The following RYR3 variants were observed in gnomAD, a reference collection of about 807,000 sequenced individuals.
RYR3 encodes the protein brain ryanodine receptor-calcium release channel.
Under a neutral mutation model 584.3 loss-of-function variants are expected in RYR3, and 207 were observed. The ratio of observed to expected loss-of-function variants is 0.35; its 90% CI spans 0.32 to 0.40. The LOEUF (loss-of-function observed/expected upper bound fraction) is 0.40. Among genes scored for constraint, RYR3 ranks in the 10% least tolerant of loss-of-function variants. The pLI, the probability that RYR3 is intolerant of heterozygous loss-of-function variation, is 1.00. For synonymous variants in RYR3, 2,416 were observed against 2,248.5 expected (o/e 1.07, Z -2.11); for missense variants, 5,616 against 6,089.2 (o/e 0.92, Z 2.59).
At chr15:33,492,899 C>T (rs1466589501) in intron 2 of RYR3, among the ~76,000 whole-genome samples, 1 of 152,142 alleles carries the variant, frequency 6.6e-6, no homozygotes, top group Non-Finnish European at 1.5e-5. Context: ...CACAGATTCT[C>T]CCATCCTGCA....
chr15:33,697,478 T>A (rs1417978869), intron 39 of RYR3, among the ~76,000 whole-genome samples: 1 of 152,174 alleles, frequency 6.6e-6, no homozygotes, highest in African/African-American at 2.4e-5. Flanking sequence ...TGTATTTTGA[T>A]TTGCATGCAG....
intron 2 of RYR3, among the ~76,000 whole-genome samples, chr15:33,488,693 A>C (rs531610764): frequency 2.0e-5 from 3 of 152,140 alleles, no homozygotes; most frequent in Non-Finnish European, 4.4e-5. Flanking sequence ...TCTACTAAAA[A>C]TACAAAAAAT....
chr15:33,409,787 ACTTATCT>A (rs1160098312), intron 1 of RYR3, among the ~76,000 whole-genome samples: 2 of 152,182 alleles, frequency 1.3e-5, no homozygotes, highest in African/African-American at 2.4e-5. Context: ...CTGAATTAAA[ACTTATCT>A]CTTAGAGGGG....
chr15:33,798,096 A>ATTTATT lies in RYR3; in HGVS notation c.9831-2671_9831-2670insATTTTT, dbSNP rs766852988. Among the ~76,000 whole-genome samples the ATTTATT allele has an allele frequency of 2.2e-3, 328 of 151,168 alleles. 3 individuals carry two copies. The highest frequency in any genetic ancestry group is 7.2e-3 in the African/African-American group (298 of 41,142). On this transcript the variant is annotated intron_variant, in intron 67 of 103. Coordinates refer to ENST00000634891, the MANE Select transcript of RYR3 (RefSeq NM_001036.6). ...TTGTCTGTCTGTCTTTTATTTATTT[A>ATTTATT]TTTTTTTTGAGATGGAGTCTTGCTC... is the stretch of plus-strand genomic sequence containing the variant.
chr15:33,721,685 C>G (rs771273612), intron 43 of RYR3, among the ~76,000 whole-genome samples: 2 of 151,916 alleles, frequency 1.3e-5, no homozygotes, highest in Non-Finnish European at 2.9e-5. Flanking sequence ...TTAGCTAACA[C>G]AACATGAAAA....
rs529199571 is a variant in RYR3 at position 33,594,989 on chromosome 15, A to G, written c.1789-6430A>G. Among the ~76,000 whole-genome samples, 6 of 152,340 alleles carry G rather than the reference A, an allele frequency of 3.9e-5. No individual in the cohort carries two copies. In the East Asian group the frequency reaches 5.8e-4, roughly 15 times the overall value. ...ACCAAATACCATTTCATATTTGACA[A>G]TGCTTCCTGTATAATTTTTATACCA... On this transcript the variant is annotated intron_variant, in intron 16 of 103. Transcript: ENST00000634891.
chr15:33,722,933 T>G, intron 44 of RYR3, 38 bp downstream of exon 44: 5 of 1,502,662 alleles, frequency 3.3e-6, no homozygotes, highest in Non-Finnish European at 3.6e-6. Context: ...CAGATACGGT[T>G]GGTGAGCTCT....
At chr15:33,836,138 TTTTTC>T (rs773001998) in intron 87 of RYR3, among the ~76,000 whole-genome samples, 106 of 151,526 alleles carry the variant, frequency 7.0e-4, no homozygotes, top group Non-Finnish European at 8.0e-4. Flanking sequence ...TTTTTTTCCT[TTTTTC>T]TTTTCTTTTC....
chr15:33,664,589 G>GTATGTATATA (rs1555399465), intron 36 of RYR3, among the ~76,000 whole-genome samples: 3 of 91,380 alleles, frequency 3.3e-5, no homozygotes, highest in African/African-American at 1.3e-4. Context: ...GTGTGTGTGT[G>GTATGTATATA]TATATATATA....
intron 18 of RYR3, among the ~76,000 whole-genome samples, chr15:33,607,717 AT>A (rs1002304434): frequency 1.3e-5 from 2 of 152,128 alleles, no homozygotes; most frequent in South Asian, 2.1e-4. Context: ...CCATATTGTT[AT>A]TTTTTTCTAA....
At chr15:33,710,110 G>T (rs1281190532) in intron 43 of RYR3, among the ~76,000 whole-genome samples, 1 of 152,170 alleles carries the variant, frequency 6.6e-6, no homozygotes, top group Non-Finnish European at 1.5e-5. Context: ...GACCATTCTT[G>T]CATTGCTATA....
chr15:33,316,193 A>G lies in RYR3; in HGVS notation c.51+5097A>G, dbSNP rs192645946. ...TGATAATTATTTTTGAAGGATTTGT[A>G]TTTAAATAAGGCATAGCTATCTGTG... is the stretch of plus-strand genomic sequence containing the variant. On this transcript the variant is annotated intron_variant, in intron 1 of 103. Transcript: ENST00000634891. Among the ~76,000 whole-genome samples, 18 of 152,308 alleles carry G rather than the reference A, an allele frequency of 1.2e-4. No homozygotes were observed. In the East Asian group the frequency reaches 3.5e-3, roughly 29 times the overall value.
chr15:33,776,667 G>A lies in RYR3; in HGVS notation c.9137+3052G>A, dbSNP rs371078052. ...TCCCCACTGTGCTTTCTGCTTCTCT[G>A]TTACATGTTATTTCCTCTCTTTAGT... On this transcript the variant is annotated intron_variant, in intron 64 of 103. Coordinates refer to ENST00000634891, the MANE Select transcript of RYR3 (RefSeq NM_001036.6). 3.3e-5 allele frequency among the ~76,000 whole-genome samples: 5 copies of A among 152,142 alleles called. No individual in the cohort carries two copies. In the East Asian group the frequency reaches 5.8e-4, roughly 18 times the overall value.
intron 1 of RYR3, among the ~76,000 whole-genome samples, chr15:33,397,952 A>T (rs976721338): frequency 2.6e-5 from 4 of 152,142 alleles, no homozygotes; most frequent in Admixed American, 6.5e-5. Flanking sequence ...CTTTGTCCAC[A>T]AGGGGGTCTG....
rs10647466 is a variant in RYR3, at chr15:33,450,087, T to TAAA, written c.52-23310_52-23308dup. On this transcript the variant is annotated intron_variant, in intron 1 of 103. Transcript: ENST00000634891. ...TTACTGCGGCTAGAGCATTAATACC[T>TAAA]AAAAAAAAAAAAAAAAAAAAAAAAG... 3.3e-3 allele frequency among the ~76,000 whole-genome samples: 224 copies of TAAA among 67,310 alleles called. 20 individuals carry two copies. Among genetic ancestry groups the TAAA allele is most frequent in the Non-Finnish European group, 4.5e-3 (167 of 37,100 alleles). The allele number at this position is 67,310 out of a possible 152,430, so 44.2% of individuals were successfully genotyped here.
At chr15:33,752,373 T>G (rs540965284) in intron 57 of RYR3, among the ~76,000 whole-genome samples, 4 of 152,316 alleles carry the variant, frequency 2.6e-5, no homozygotes, top group African/African-American at 9.6e-5. Flanking sequence ...CATAGAATGT[T>G]TTTCCATTTG....
intron 2 of RYR3, 58 bp from the exon 3 acceptor site, chr15:33,503,573 C>A (rs939833240): frequency 3.0e-6 from 3 of 998,258 alleles, no homozygotes; most frequent in Non-Finnish European, 3.1e-6. Context: ...GATGTTGTTG[C>A]GTGACTGATC....
intron 1 of RYR3, among the ~76,000 whole-genome samples, chr15:33,428,102 C>T (rs572278350): frequency 6.6e-6 from 1 of 152,250 alleles, no homozygotes; most frequent in African/African-American, 2.4e-5. Flanking sequence ...AGGCTTGTGT[C>T]TTTGTCTTTG....
At position 33,375,507 on chromosome 15, in the gene RYR3, C is replaced by A. The variant is rs190656572; in HGVS notation, c.51+64411C>A. 2.4e-3 allele frequency among the ~76,000 whole-genome samples: 363 copies of A among 152,228 alleles called. 3 individuals are homozygous for A. The highest frequency in any genetic ancestry group is 8.3e-3 in the African/African-American group (346 of 41,536). ...TAGAGAAGCTGAGTTCTGGGTAAAG[C>A]CAGATAGGCATATTTCAAGGCTCCA... On this transcript the variant is annotated intron_variant, in intron 1 of 103. Coordinates refer to ENST00000634891, the MANE Select transcript of RYR3 (RefSeq NM_001036.6).
Sources: gnomAD v4.1 joint callset for allele counts (sites outside exome capture counted in the v4.1 genomes callset) on GRCh38, gnomAD v4.1.1 for gene constraint, MANE v1.5 for transcripts, NCBI Gene and HGNC (gene_info 2026-07-23, HGNC 2026-07-21) for gene names.